Variants in SAMD12 observed in about 807,000 individuals in gnomAD.
SAMD12 encodes the protein sterile alpha motif domain containing 12, also known as sterile alpha motif domain-containing protein 12.
In SAMD12, 9 loss-of-function variants were observed where a neutral mutation model predicts 15.0. The ratio of observed to expected loss-of-function variants is 0.60; its 90% CI spans 0.36 to 1.05. SAMD12 has a LOEUF of 1.05. SAMD12 is among the 50% of genes least tolerant of loss of function. The pLI, the probability that SAMD12 is intolerant of heterozygous loss-of-function variation, is 0.01. For synonymous variants in SAMD12, 86 were observed against 90.1 expected (o/e 0.96, Z 0.25); for missense variants, 230 against 234.2 (o/e 0.98, Z 0.12).
chr8:118,437,760 C>A (rs1195155620), intron 3 of SAMD12, among the ~76,000 whole-genome samples: 4 of 152,192 alleles, frequency 2.6e-5, no homozygotes, highest in Admixed American at 1.3e-4. Flanking sequence ...ACACTCCTGT[C>A]CTCATGTCAC....
intron 2 of SAMD12, among the ~76,000 whole-genome samples, chr8:118,532,092 G>A (rs1193915735): frequency 6.6e-6 from 1 of 152,130 alleles, no homozygotes; most frequent in East Asian, 1.9e-4. Flanking sequence ...ATTATTTTGA[G>A]ATACATCCCA....
chr8:118,276,465 C>G (rs997790043), intron 4 of SAMD12, among the ~76,000 whole-genome samples: 1 of 152,110 alleles, frequency 6.6e-6, no homozygotes, highest in African/African-American at 2.4e-5. Flanking sequence ...AAAATTTCTA[C>G]CCTTTAGGTT....
At chr8:118,446,986 C>A (rs1377258388) in intron 2 of SAMD12, among the ~76,000 whole-genome samples, 1 of 152,096 alleles carries the variant, frequency 6.6e-6, no homozygotes, top group African/African-American at 2.4e-5. Context: ...AAATTGAGCT[C>A]CTGTTCTTCC....
chr8:118,520,125 C>T (rs983318835), intron 2 of SAMD12, among the ~76,000 whole-genome samples: 3 of 152,134 alleles, frequency 2.0e-5, no homozygotes, highest in Middle Eastern at 6.3e-3. Context: ...CCTACTATAA[C>T]TTGCTTGGTT....
intron 4 of SAMD12, among the ~76,000 whole-genome samples, chr8:118,250,210 C>T (rs529121632): frequency 1.3e-5 from 2 of 152,220 alleles, no homozygotes; most frequent in East Asian, 3.9e-4. Context: ...GCAGGAGTCC[C>T]ATGGAATAGA....
intron 4 of SAMD12, among the ~76,000 whole-genome samples, chr8:118,353,927 T>C (rs968594862): frequency 3.3e-5 from 5 of 152,176 alleles, no homozygotes; most frequent in African/African-American, 1.2e-4. Flanking sequence ...GTTTTGGCAT[T>C]GGCTGCCCTG....
intron 2 of SAMD12, among the ~76,000 whole-genome samples, chr8:118,556,979 A>G (rs1162925253): frequency 6.6e-6 from 1 of 152,004 alleles, no homozygotes; most frequent in Non-Finnish European, 1.5e-5. Flanking sequence ...AAAAAGAAAG[A>G]AAGAAAGAAA....
intron 2 of SAMD12, among the ~76,000 whole-genome samples, chr8:118,445,738 A>T (rs16891048): frequency 0.024 from 3,693 of 152,162 alleles, 134 homozygotes; most frequent in African/African-American, 0.084. Flanking sequence ...TATCACCTGG[A>T]TTATTTCTTA....
intron 4 of SAMD12, among the ~76,000 whole-genome samples, chr8:118,298,009 C>A (rs1377481431): frequency 6.6e-6 from 1 of 152,116 alleles, no homozygotes; most frequent in Non-Finnish European, 1.5e-5. Flanking sequence ...TCTTTCAGCT[C>A]CCTGCTTTGC....
At chr8:118,578,731 C>T (rs1827211285) in intron 2 of SAMD12, among the ~76,000 whole-genome samples, 1 of 152,124 alleles carries the variant, frequency 6.6e-6, no homozygotes. Context: ...AACTGTTCCC[C>T]CAGCAGCCAC....
At chr8:118,389,418 G>A (rs1280152384) in intron 3 of SAMD12, among the ~76,000 whole-genome samples, 1 of 152,226 alleles carries the variant, frequency 6.6e-6, no homozygotes, top group African/African-American at 2.4e-5. Flanking sequence ...GGGTGCGGTG[G>A]CCTATGCCTG....
chr8:118,539,177 A>C (rs967717853), intron 2 of SAMD12, among the ~76,000 whole-genome samples: 1 of 152,230 alleles, frequency 6.6e-6, no homozygotes. Flanking sequence ...CTGATCATAT[A>C]TAGATATACC....
chr8:118,391,820 C>G (rs1563822156), intron 3 of SAMD12, among the ~76,000 whole-genome samples: 1 of 151,894 alleles, frequency 6.6e-6, no homozygotes, highest in Non-Finnish European at 1.5e-5. Flanking sequence ...CTTCATGGAG[C>G]TTAAAAATTA....
chr8:118,333,382 TG>T (rs1228760197), intron 4 of SAMD12, among the ~76,000 whole-genome samples: 1 of 152,158 alleles, frequency 6.6e-6, no homozygotes, highest in Non-Finnish European at 1.5e-5. Flanking sequence ...TACCACTCCC[TG>T]GGTAGAAGCC....
chr8:118,185,498 T>A (rs1471639528), downstream of SAMD12, among the ~76,000 whole-genome samples: 1 of 152,168 alleles, frequency 6.6e-6, no homozygotes, highest in Non-Finnish European at 1.5e-5. Context: ...TGGTTTTCCA[T>A]TCCTGAGTTA....
At chr8:118,200,100 C>G (rs552737144) in intron 4 of SAMD12, among the ~76,000 whole-genome samples, 1 of 152,264 alleles carries the variant, frequency 6.6e-6, no homozygotes, top group South Asian at 2.1e-4. Flanking sequence ...TTCTCTCTTG[C>G]CTGCTCCCAT....
the SAMD12 span, among the ~76,000 whole-genome samples, chr8:118,154,144 G>GCACACACA: frequency 0.33 from 49,378 of 149,618 alleles, 8,409 homozygotes; most frequent in East Asian, 0.5. Context: ...ACACACAAGT[G>GCACACACA]CACACACACA....
chr8:118,321,947 C>A (rs1162292006), intron 4 of SAMD12, among the ~76,000 whole-genome samples: 1 of 152,130 alleles, frequency 6.6e-6, no homozygotes, highest in Non-Finnish European at 1.5e-5. Flanking sequence ...ACACAGAATG[C>A]CTTCAGTTCC....
At chr8:118,448,332 C>A (rs1822979011) in intron 2 of SAMD12, among the ~76,000 whole-genome samples, 1 of 152,220 alleles carries the variant, frequency 6.6e-6, no homozygotes. Flanking sequence ...TATCATCTAA[C>A]ACACTATACA....
Sources: allele counts gnomAD v4.1 joint callset (sites outside exome capture counted in the v4.1 genomes callset), GRCh38; gene constraint gnomAD v4.1.1; transcripts MANE v1.5; gene names NCBI Gene and HGNC (gene_info 2026-07-23, HGNC 2026-07-21).